Variants in THSD7A observed in about 807,000 individuals in gnomAD.
THSD7A encodes thrombospondin type-1 domain-containing protein 7A.
In THSD7A, 96 loss-of-function variants were observed where a neutral mutation model predicts 231.3. The observed-to-expected ratio is 0.41, with a 90% confidence interval of 0.35 to 0.49. THSD7A has a LOEUF of 0.49. THSD7A is among the 20% of genes least tolerant of loss of function. The pLI, the probability that THSD7A is intolerant of heterozygous loss-of-function variation, is 0.05. For missense variants in THSD7A, 2,290 were observed against 2,070.2 expected (o/e 1.11, Z -2.06); for synonymous variants, 940 against 743.3 (o/e 1.26, Z -4.30).
intron 1 of THSD7A, among the ~76,000 whole-genome samples, chr7:11,806,423 A>C (rs1431773647): frequency 6.6e-6 from 1 of 152,182 alleles, no homozygotes; most frequent in Non-Finnish European, 1.5e-5. Flanking sequence ...AAGATGGTAA[A>C]AAGGAAATAC....
intron 4 of THSD7A, among the ~76,000 whole-genome samples, chr7:11,566,126 G>A (rs992839242): frequency 1.3e-5 from 2 of 152,012 alleles, no homozygotes; most frequent in Non-Finnish European, 2.9e-5. Context: ...AAGGTCAAAT[G>A]TTGCTGAGTG....
intron 6 of THSD7A, among the ~76,000 whole-genome samples, chr7:11,527,905 G>C (rs774556195): frequency 1.3e-5 from 2 of 152,118 alleles, no homozygotes; most frequent in Non-Finnish European, 2.9e-5. Flanking sequence ...TCTAATTCCA[G>C]CACTGTAGGA....
At chr7:11,648,805 T>C (rs1782384941) in intron 1 of THSD7A, among the ~76,000 whole-genome samples, 1 of 152,042 alleles carries the variant, frequency 6.6e-6, no homozygotes. Context: ...CCATTTTATC[T>C]ATCTGAAATA....
intron 1 of THSD7A, among the ~76,000 whole-genome samples, chr7:11,768,775 T>C (rs966769643): frequency 7.8e-4 from 118 of 152,222 alleles, no homozygotes; most frequent in African/African-American, 2.5e-3. Flanking sequence ...TGCATTGTTT[T>C]TGAAGCCTTA....
At chr7:11,669,352 A>G (rs1783281658) in intron 1 of THSD7A, among the ~76,000 whole-genome samples, 1 of 151,998 alleles carries the variant, frequency 6.6e-6, no homozygotes, top group South Asian at 2.1e-4. Context: ...TTTAATATAT[A>G]TATTTTTCTT....
At chr7:11,513,344 A>G (rs1383248008) in intron 6 of THSD7A, among the ~76,000 whole-genome samples, 3 of 92,860 alleles carry the variant, frequency 3.2e-5, no homozygotes, top group Admixed American at 3.1e-4. Flanking sequence ...AAAAATAGCA[A>G]ACTTTTCAAG....
At chr7:11,766,177 G>T (rs886204670) in intron 1 of THSD7A, among the ~76,000 whole-genome samples, 2 of 152,138 alleles carry the variant, frequency 1.3e-5, no homozygotes, top group African/African-American at 4.8e-5. Flanking sequence ...GATGAATGGT[G>T]TATATCTTTA....
At chr7:11,743,241 A>G (rs775161509) in intron 1 of THSD7A, among the ~76,000 whole-genome samples, 1 of 151,912 alleles carries the variant, frequency 6.6e-6, no homozygotes, top group African/African-American at 2.4e-5. Context: ...AGGCAGCTCA[A>G]TAATAAATAG....
rs926634282 is a variant in THSD7A at position 11,462,130 on chromosome 7, G to A, written c.2382C>T (p.Ile794=). 4.3e-6 allele frequency: 7 copies of A among 1,613,588 alleles called. No individual in the cohort carries two copies. The highest frequency in any genetic ancestry group is 1.3e-5 in the African/African-American group (1 of 74,910). ...TGACCCGATGCCTAGACTGCTTCCT[G>A]ATACTGGAGTCCCCTGCAATGAAGC... ...PSSCKEGDSS[I]RKQSRHRVII... The change falls in exon 10 of 28, where the codon ATC becomes ATT. Residue 794 remains isoleucine (I), a synonymous_variant. Coordinates refer to ENST00000423059, the MANE Select transcript of THSD7A (RefSeq NM_015204.3).
At chr7:11,382,720 C>T (rs1782567665) in intron 23 of THSD7A, 104 bp from the exon 24 acceptor site, 2 of 880,072 alleles carry the variant, frequency 2.3e-6, no homozygotes, top group East Asian at 5.3e-5. Flanking sequence ...ATAAGCTCAT[C>T]TCTGATGATT....
At chr7:11,438,408 A>G (rs1048519483) in intron 13 of THSD7A, among the ~76,000 whole-genome samples, 3 of 152,010 alleles carry the variant, frequency 2.0e-5, no homozygotes, top group African/African-American at 7.2e-5. Flanking sequence ...GTATGAAAGC[A>G]AATTTTTAAA....
intron 10 of THSD7A, 122 bp from the exon 11 acceptor site, chr7:11,460,887 TTCTA>T: frequency 1.5e-6 from 1 of 681,470 alleles, no homozygotes; most frequent in African/African-American, 1.8e-5. Flanking sequence ...CAATGCTCAG[TTCTA>T]TCTAAATTTA....
intron 4 of THSD7A, among the ~76,000 whole-genome samples, chr7:11,561,994 T>C (rs1397371574): frequency 6.6e-6 from 1 of 152,212 alleles, no homozygotes; most frequent in Admixed American, 6.5e-5. Flanking sequence ...AGACATGTTC[T>C]TCCCCCAGTT....
chr7:11,742,545 C>T, intron 1 of THSD7A, among the ~76,000 whole-genome samples: 1 of 151,760 alleles, frequency 6.6e-6, no homozygotes, highest in East Asian at 2.0e-4. Context: ...TTTATGTTGT[C>T]TAATTGATGA....
chr7:11,416,477 T>C (rs1038295579), intron 17 of THSD7A, among the ~76,000 whole-genome samples: 3 of 152,210 alleles, frequency 2.0e-5, no homozygotes, highest in African/African-American at 4.8e-5. Context: ...AAATCAATTG[T>C]ATATCCTTGT....
intron 13 of THSD7A, among the ~76,000 whole-genome samples, chr7:11,435,721 A>C (rs1784613091): frequency 6.6e-6 from 1 of 152,018 alleles, no homozygotes; most frequent in African/African-American, 2.4e-5. Flanking sequence ...TGCTATTATA[A>C]AACTGCAGTG....
At chr7:11,635,069 C>A (rs1464327696) in intron 2 of THSD7A, among the ~76,000 whole-genome samples, 1 of 152,124 alleles carries the variant, frequency 6.6e-6, no homozygotes, top group African/African-American at 2.4e-5. Context: ...CAAATGTGGT[C>A]TGTTACAAGA....
At chr7:11,807,094 A>G (rs1784418697) in intron 1 of THSD7A, among the ~76,000 whole-genome samples, 2 of 151,946 alleles carry the variant, frequency 1.3e-5, no homozygotes, top group Non-Finnish European at 2.9e-5. Flanking sequence ...GATCACTACT[A>G]AGTACTTTTT....
chr7:11,544,865 C>A (rs1789312169), intron 4 of THSD7A, among the ~76,000 whole-genome samples: 1 of 147,834 alleles, frequency 6.8e-6, no homozygotes, highest in Admixed American at 7.0e-5. Flanking sequence ...TAACTGGGCA[C>A]TAATTGGCTT....
Sources: gnomAD v4.1 joint callset for allele counts (sites outside exome capture counted in the v4.1 genomes callset) on GRCh38, gnomAD v4.1.1 for gene constraint, MANE v1.5 for transcripts, NCBI Gene and HGNC (gene_info 2026-07-23, HGNC 2026-07-21) for gene names.